Variants in MACROD2 observed in about 807,000 individuals in gnomAD.
The protein encoded by MACROD2 is mono-ADP ribosylhydrolase 2, also known as ADP-ribose glycohydrolase MACROD2.
A neutral mutation model predicts 70.4 loss-of-function variants in MACROD2; 36 were observed. The ratio of observed to expected loss-of-function variants is 0.51; its 90% CI spans 0.39 to 0.68. MACROD2 has a LOEUF of 0.68. Ranked by LOEUF, MACROD2 falls within the 30% of genes least tolerant of loss-of-function variation. The pLI, the probability that MACROD2 is intolerant of heterozygous loss-of-function variation, is 0.00. For synonymous variants in MACROD2, 172 were observed against 178.8 expected (o/e 0.96, Z 0.30); for missense variants, 496 against 538.4 (o/e 0.92, Z 0.78).
chr20:14,565,282 G>A (rs1979715626), intron 4 of MACROD2, among the ~76,000 whole-genome samples: 1 of 151,612 alleles, frequency 6.6e-6, no homozygotes, highest in Non-Finnish European at 1.5e-5. Context: ...AAAAGCCCAG[G>A]CTTTACCACT....
intron 3 of MACROD2, among the ~76,000 whole-genome samples, chr20:14,215,122 A>G (rs1348267628): frequency 6.7e-6 from 1 of 148,278 alleles, no homozygotes; most frequent in Non-Finnish European, 1.5e-5. Flanking sequence ...CATCATATAT[A>G]TATTCCATCA....
At chr20:14,049,123 A>G (rs905122880) in intron 2 of MACROD2, among the ~76,000 whole-genome samples, 3 of 149,770 alleles carry the variant, frequency 2.0e-5, no homozygotes, top group Non-Finnish European at 4.4e-5. Flanking sequence ...CCAACAATCA[A>G]CTCACCCAAA....
At chr20:15,162,095 G>A (rs146003961) in intron 5 of MACROD2, among the ~76,000 whole-genome samples, 18 of 152,138 alleles carry the variant, frequency 1.2e-4, no homozygotes, top group Non-Finnish European at 1.9e-4. Flanking sequence ...ACTAAATATC[G>A]TGAAGAGTCT....
intron 4 of MACROD2, among the ~76,000 whole-genome samples, chr20:14,589,410 A>G (rs1306231741): frequency 2.6e-5 from 4 of 152,284 alleles, no homozygotes; most frequent in Middle Eastern, 3.4e-3. Flanking sequence ...AAGTTTTGTC[A>G]AAACATCTTT....
intron 8 of MACROD2, among the ~76,000 whole-genome samples, chr20:15,696,687 T>G (rs1196405642): frequency 6.6e-6 from 1 of 150,932 alleles, no homozygotes; most frequent in Admixed American, 6.6e-5. Flanking sequence ...AGTTTTTTTT[T>G]TTTTTTTTTT....
chr20:15,019,523 G>A (rs2075148051), intron 5 of MACROD2, among the ~76,000 whole-genome samples: 1 of 152,108 alleles, frequency 6.6e-6, no homozygotes, highest in South Asian at 2.1e-4. Context: ...TGGAAAAGTT[G>A]GTACCACTTA....
At chr20:15,385,331 G>A (rs1177961804) in intron 6 of MACROD2, among the ~76,000 whole-genome samples, 1 of 152,142 alleles carries the variant, frequency 6.6e-6, no homozygotes, top group Non-Finnish European at 1.5e-5. Context: ...ATCATAGAAA[G>A]CATTCTCCTG....
intron 4 of MACROD2, among the ~76,000 whole-genome samples, chr20:14,521,952 C>A (rs2085172849): frequency 6.6e-6 from 1 of 152,142 alleles, no homozygotes; most frequent in African/African-American, 2.4e-5. Context: ...GGTGGCCAGG[C>A]AGCAGCACTC....
chr20:14,451,904 A>G (rs2084249747), intron 3 of MACROD2, among the ~76,000 whole-genome samples: 1 of 152,152 alleles, frequency 6.6e-6, no homozygotes. Context: ...ACACTTTTAC[A>G]TTTGAATTTT....
chr20:15,963,228 G>A (rs1034683735), intron 12 of MACROD2, among the ~76,000 whole-genome samples: 3 of 148,990 alleles, frequency 2.0e-5, no homozygotes, highest in African/African-American at 4.8e-5. Flanking sequence ...AGACATTTAC[G>A]CATTACAGAG....
chr20:14,808,779 G>T (rs1372189467), intron 5 of MACROD2, among the ~76,000 whole-genome samples: 1 of 151,614 alleles, frequency 6.6e-6, no homozygotes, highest in East Asian at 1.9e-4. Flanking sequence ...AAAAGCAGGG[G>T]TTGTAATCCC....
intron 3 of MACROD2, among the ~76,000 whole-genome samples, chr20:14,128,747 G>A (rs1706880981): frequency 6.6e-6 from 1 of 152,182 alleles, no homozygotes; most frequent in Non-Finnish European, 1.5e-5. Context: ...CTAAGTTGAA[G>A]CCAGTGCTCA....
At chr20:15,012,460 C>G (rs542638797) in intron 5 of MACROD2, among the ~76,000 whole-genome samples, 20 of 152,242 alleles carry the variant, frequency 1.3e-4, no homozygotes, top group Admixed American at 1.1e-3. Context: ...TGTGGGGGTC[C>G]AAGCCTGAAA....
chr20:14,601,888 C>T (rs1190531303), intron 4 of MACROD2, among the ~76,000 whole-genome samples: 2 of 152,232 alleles, frequency 1.3e-5, no homozygotes, highest in Non-Finnish European at 1.5e-5. Flanking sequence ...TCTAACACCC[C>T]CTTCCTAAAT....
chr20:14,740,765 A>G (rs2071723447), intron 5 of MACROD2, among the ~76,000 whole-genome samples: 2 of 152,166 alleles, frequency 1.3e-5, no homozygotes, highest in African/African-American at 4.8e-5. Flanking sequence ...AAAAAAAACC[A>G]GGTCTCTTGG....
chr20:15,393,752 T>G (rs766947328), intron 6 of MACROD2, among the ~76,000 whole-genome samples: 4 of 152,214 alleles, frequency 2.6e-5, no homozygotes, highest in Non-Finnish European at 5.9e-5. Flanking sequence ...TCTTTGATAA[T>G]CATTCCTTAC....
intron 17 of MACROD2, among the ~76,000 whole-genome samples, chr20:16,048,545 T>C (rs1418607430): frequency 1.3e-5 from 2 of 152,032 alleles, no homozygotes; most frequent in Non-Finnish European, 2.9e-5. Flanking sequence ...ACCAAGCATC[T>C]CCAGGTTTAA....
chr20:14,791,477 A>G (rs1213384464), intron 5 of MACROD2, among the ~76,000 whole-genome samples: 1 of 152,138 alleles, frequency 6.6e-6, no homozygotes, highest in East Asian at 1.9e-4. Flanking sequence ...GTGTCAAGAG[A>G]CATGGATACT....
chr20:15,138,049 C>T (rs2076163917), intron 5 of MACROD2, among the ~76,000 whole-genome samples: 1 of 152,078 alleles, frequency 6.6e-6, no homozygotes, highest in East Asian at 1.9e-4. Context: ...CAATATCAAT[C>T]AGTTAGTAAA....
Sources: gnomAD v4.1 joint callset for allele counts (sites outside exome capture counted in the v4.1 genomes callset) on GRCh38, gnomAD v4.1.1 for gene constraint, MANE v1.5 for transcripts, NCBI Gene and HGNC (gene_info 2026-07-23, HGNC 2026-07-21) for gene names.